The following ETV5 variants were observed in gnomAD, a reference collection of about 807,000 sequenced individuals.
The protein encoded by ETV5 is ETS translocation variant 5.
ETV5 carries 10 observed loss-of-function variants against 70.0 expected under a neutral mutation model. The ratio of observed to expected loss-of-function variants is 0.14; its 90% CI spans 0.09 to 0.24. ETV5 has a LOEUF of 0.24. ETV5 is among the 10% of genes least tolerant of loss of function. ETV5 has a pLI of 1.00. For synonymous variants in ETV5, 216 were observed against 242.2 expected (o/e 0.89, Z 1.01); for missense variants, 453 against 651.2 (o/e 0.70, Z 3.31).
In ETV5 at chr3:186,066,138, T is replaced by C. The variant is rs144034923; in HGVS notation, c.651-66A>G. On this transcript the variant is annotated intron_variant, in intron 7 of 12. Transcript: ENST00000306376. ...ATGAATTCCTACTATGATTGAGCACTGGGGACTAGAAGTTCCAATTAATGA... is the reference window on the plus strand; with the variant it reads ...ATGAATTCCTACTATGATTGAGCACCGGGGACTAGAAGTTCCAATTAATGA... 3.5e-4 allele frequency: 500 copies of C among 1,418,472 alleles called. 3 individuals carry two copies. The African/African-American group carries it at 6.1e-3, about 17-fold the overall frequency. The allele number at this position is 1,418,472 out of a possible 1,614,324, so 87.9% of individuals were successfully genotyped here. A position where few individuals can be genotyped will look rare whatever the true frequency, so the allele number is the denominator to read the frequency against.
Position 186,105,270 on chromosome 3 carries a change from CAGA to C in ETV5, c.232+32_232+34del, listed in dbSNP as rs769030755. 1 of 1,591,334 alleles carries C rather than the reference CAGA, an allele frequency of 6.3e-7. No homozygotes were observed. Among genetic ancestry groups the C allele is most frequent in the South Asian group, 1.1e-5 (1 of 87,920 alleles). On this transcript the variant is annotated intron_variant, in intron 5 of 12. Transcript: ENST00000306376. This position sits in a 1 kb window ranked among gnomAD's most constrained non-coding sequence, Gnocchi z 4.5. The stretch of plus-strand genomic sequence containing the variant: ...TGGATGATCTAAGACCAAACAATTT[CAGA>C]ACAAATGTGCCATCACCAGAAAGGT...
chr3:186,093,137 C>A (rs993827543), intron 5 of ETV5, among the ~76,000 whole-genome samples: 2 of 152,140 alleles, frequency 1.3e-5, no homozygotes, highest in Non-Finnish European at 2.9e-5. Flanking sequence ...GCTTAGGGGA[C>A]CCCCAGGTTG....
intron 6 of ETV5, 44 bp from the exon 7 acceptor site, chr3:186,080,148 C>T: frequency 1.4e-6 from 2 of 1,428,830 alleles, no homozygotes; most frequent in Non-Finnish European, 1.8e-6. Flanking sequence ...TGAAATGAAG[C>T]CATTAGCATG....
intron 8 of ETV5, among the ~76,000 whole-genome samples, chr3:186,065,215 G>C (rs1343755594): frequency 1.3e-5 from 2 of 152,140 alleles, no homozygotes; most frequent in Admixed American, 6.5e-5. Context: ...AACCTCTGTT[G>C]AGTGTCTTGC....
chr3:186,098,814 A>G (rs1714376426), intron 5 of ETV5, among the ~76,000 whole-genome samples: 1 of 152,060 alleles, frequency 6.6e-6, no homozygotes, highest in Admixed American at 6.6e-5. Flanking sequence ...TTTTCATCAC[A>G]TATTTGGCTA....
intron 9 of ETV5, among the ~76,000 whole-genome samples, chr3:186,062,483 G>A (rs374454704): frequency 3.9e-5 from 6 of 152,254 alleles, no homozygotes; most frequent in East Asian, 3.9e-4. Flanking sequence ...TTAGCTGGGC[G>A]TGGTGGCGCG....
At chr3:186,089,968 G>A (rs1714142394) in intron 5 of ETV5, among the ~76,000 whole-genome samples, 1 of 152,168 alleles carries the variant, frequency 6.6e-6, no homozygotes, top group African/African-American at 2.4e-5. Flanking sequence ...GGGGTGAAAT[G>A]TTATAATGCC....
rs1417546457 is a variant in ETV5, at chr3:186,088,214, C to T, written c.233-7039G>A. Reference sequence around the variant, plus strand: ...CCAGGTCACACTCAACTGTCATTATCCTCTTAGTTCACATGGAAAGTTGTG... The same window carrying T: ...CCAGGTCACACTCAACTGTCATTATTCTCTTAGTTCACATGGAAAGTTGTG... On this transcript the variant is annotated intron_variant, in intron 5 of 12. Coordinates refer to ENST00000306376, the MANE Select transcript of ETV5 (RefSeq NM_004454.3). 3.3e-5 allele frequency among the ~76,000 whole-genome samples: 5 copies of T among 152,224 alleles called. No individual in the cohort carries two copies. The East Asian group carries it at 7.7e-4, about 23-fold the overall frequency.
chr3:186,081,255 C>A (rs1305108178), intron 5 of ETV5, 80 bp from the exon 6 acceptor site: 66 of 1,393,238 alleles, frequency 4.7e-5, no homozygotes, highest in Non-Finnish European at 6.1e-5. Flanking sequence ...CTTCTGCAAA[C>A]CTTCTAACTA....
chr3:186,055,598 C>T (rs930162246), intron 11 of ETV5, among the ~76,000 whole-genome samples: 7 of 152,214 alleles, frequency 4.6e-5, no homozygotes, highest in Non-Finnish European at 1.0e-4. Context: ...AAACAGGGAA[C>T]ACATAGGCAC....
intron 7 of ETV5, among the ~76,000 whole-genome samples, chr3:186,073,408 C>G (rs1300144525): frequency 6.6e-6 from 1 of 152,150 alleles, no homozygotes; most frequent in African/African-American, 2.4e-5. Flanking sequence ...ATCTATTATC[C>G]TATTTTCAGA....
intron 7 of ETV5, among the ~76,000 whole-genome samples, chr3:186,072,928 T>C (rs1433822092): frequency 2.0e-5 from 3 of 152,102 alleles, no homozygotes; most frequent in African/African-American, 4.8e-5. Context: ...TGTCAGGAGT[T>C]CAAGACCAGC....
chr3:186,099,851 C>T (rs777037303), intron 5 of ETV5, among the ~76,000 whole-genome samples: 10 of 152,122 alleles, frequency 6.6e-5, no homozygotes, highest in Non-Finnish European at 1.3e-4. Flanking sequence ...TGTAACTCCC[C>T]GTCCCAAATC....
In ETV5 at chr3:186,054,154, G is replaced by A. The variant is rs1209264175; in HGVS notation, c.1210-2023C>T. ...TGATTCTGTAGCCCTCACCACGGCTGTTCCTTCTACAGTAATGCATGAGGC... is the reference window on the plus strand; with the variant it reads ...TGATTCTGTAGCCCTCACCACGGCTATTCCTTCTACAGTAATGCATGAGGC... On this transcript the variant is annotated intron_variant, in intron 11 of 12. Transcript: ENST00000306376. The surrounding 1 kb of genome is among the most constrained non-coding windows in gnomAD (Gnocchi z 4.4). Among the ~76,000 whole-genome samples, 2 of 152,224 alleles carry A rather than the reference G, an allele frequency of 1.3e-5. No individual in the cohort carries two copies. Among genetic ancestry groups the A allele is most frequent in the African/African-American group, 4.8e-5 (2 of 41,460 alleles).
intron 6 of ETV5, 144 bp from the exon 7 acceptor site, chr3:186,080,248 G>A (rs1713900772): frequency 1.7e-6 from 1 of 578,064 alleles, no homozygotes; most frequent in Non-Finnish European, 2.8e-6. Context: ...TAGCCCCGAG[G>A]GGATATTTGT....
Position 186,047,232 on chromosome 3 carries a change from T to C in ETV5, c.*1407A>G, listed in dbSNP as rs1712901552. ...TTCACATAGCTTTAGCTTGGTTGTT[T>C]AAAACTTTTCCAATATAATACAGCA... On this transcript the variant is annotated 3_prime_UTR_variant, in exon 13 of 13. Transcript: ENST00000306376. 4.4e-6 allele frequency: 1 copy of C among 228,882 alleles called. No individual in the cohort carries two copies. Among genetic ancestry groups the C allele is most frequent in the Non-Finnish European group, 8.7e-6 (1 of 115,090 alleles). The allele number at this position is 228,882 out of a possible 1,614,324, so 14.2% of individuals were successfully genotyped here.
In ETV5 at chr3:186,052,890, C is replaced by A. The variant is rs573030702; in HGVS notation, c.1210-759G>T. Among the ~76,000 whole-genome samples the A allele has an allele frequency of 6.6e-6, 1 of 152,204 alleles. No individual in the cohort carries two copies. Among genetic ancestry groups the A allele is most frequent in the South Asian group, 2.1e-4 (1 of 4,818 alleles). On this transcript the variant is annotated intron_variant, in intron 11 of 12. Transcript: ENST00000306376. This position sits in a 1 kb window ranked among gnomAD's most constrained non-coding sequence, Gnocchi z 4.5. ...CCTAGTAGAGTTTACCCAATTATCA[C>A]GGCAGCCAAGCAATTTCTGTTCTCA...
At chr3:186,072,730 GCCTA>G (rs1166356382) in intron 7 of ETV5, among the ~76,000 whole-genome samples, 1 of 152,236 alleles carries the variant, frequency 6.6e-6, no homozygotes, top group Admixed American at 6.5e-5. Context: ...TCCTTTGTAG[GCCTA>G]CCTGTTTGTC....
intron 9 of ETV5, among the ~76,000 whole-genome samples, chr3:186,061,947 C>G (rs1163493182): frequency 2.0e-5 from 3 of 152,300 alleles, no homozygotes; most frequent in Non-Finnish European, 2.9e-5. Context: ...AAAACAACAA[C>G]AAAACAGACC....
Sources: allele counts gnomAD v4.1 joint callset (sites outside exome capture counted in the v4.1 genomes callset), GRCh38; gene constraint gnomAD v4.1.1; non-coding constraint Gnocchi (gnomAD v3.1); transcripts MANE v1.5; gene names NCBI Gene and HGNC (gene_info 2026-07-23, HGNC 2026-07-21).